TPCN1: variants seen among roughly 807,000 people sequenced by gnomAD.
The protein encoded by TPCN1 is two pore segment channel 1, also known as two pore channel protein 1.
TPCN1 carries 52 observed loss-of-function variants against 108.8 expected under a neutral mutation model. The observed-to-expected ratio is 0.48, with a 90% CI of 0.38 to 0.60. The LOEUF is 0.60. TPCN1 is among the 20% of genes least tolerant of loss of function. The pLI is 0.00. For synonymous variants in TPCN1, 446 were observed against 433.7 expected, an observed-to-expected ratio of 1.03 and a Z score of -0.35; for missense variants, 806 against 1,072.8, an observed-to-expected ratio of 0.75 and a Z score of 3.47.
intron 2 of TPCN1, among the ~76,000 whole-genome samples, chr12:113,233,868 C>A (rs963353365): frequency 1.3e-5 from 2 of 152,178 alleles, no homozygotes; most frequent in Admixed American, 1.3e-4. Flanking sequence ...GACACTTTGA[C>A]TTCCTTTGAA....
chr12:113,284,815 T>G lies in TPCN1; in HGVS notation c.1453+44T>G. 1.2e-6 allele frequency: 2 copies of G among 1,603,912 alleles called. No homozygotes were observed. Among genetic ancestry groups the G allele is most frequent in the South Asian group, 1.1e-5 (1 of 90,876 alleles). ...TTTGCTGGACTGCTTGTTTTAAAAT[T>G]GTCTGGGAGAACTTTCATTCAGTGT... On this transcript the variant is annotated intron_variant, in intron 17 of 27. Coordinates refer to ENST00000335509, the MANE Select transcript of TPCN1 (RefSeq NM_017901.6). This position sits in a 1 kb window ranked among gnomAD's most constrained non-coding sequence, Gnocchi z 4.1.
At chr12:113,248,477 C>A (rs1954490229) in intron 2 of TPCN1, among the ~76,000 whole-genome samples, 1 of 152,206 alleles carries the variant, frequency 6.6e-6, no homozygotes, top group African/African-American at 2.4e-5. Context: ...AGCCTCAGCG[C>A]TTTGAGGGGA....
intron 4 of TPCN1, 116 bp from the exon 5 acceptor site, chr12:113,267,727 C>T (rs867722192): frequency 8.8e-6 from 6 of 678,608 alleles, no homozygotes; most frequent in Middle Eastern, 2.6e-4. Context: ...TTTTGTAACT[C>T]TGATATGTGT....
chr12:113,269,635 C>A lies in TPCN1; in HGVS notation c.660-122C>A. On this transcript the variant is annotated intron_variant, in intron 6 of 27. Coordinates refer to ENST00000335509, the MANE Select transcript of TPCN1 (RefSeq NM_017901.6). This position sits in a 1 kb window ranked among gnomAD's most constrained non-coding sequence, Gnocchi z 5.0. Reference sequence around the variant, plus strand: ...GGAAAAAATGAAGCATGATGTCACACCAGAGTGCGTCAGGGTTTAGTATTT... The same window carrying A: ...GGAAAAAATGAAGCATGATGTCACAACAGAGTGCGTCAGGGTTTAGTATTT... 2 of 821,824 alleles carry A rather than the reference C, an allele frequency of 2.4e-6. No individual in the cohort carries two copies. Among genetic ancestry groups the A allele is most frequent in the East Asian group, 5.0e-5 (2 of 40,014 alleles). 50.9% of individuals were successfully genotyped at this position (821,824 alleles called of 1,614,324 possible). A position where few individuals can be genotyped will look rare whatever the true frequency, so the allele number is the denominator to read the frequency against.
At position 113,268,435 on chromosome 12, in the gene TPCN1, G is replaced by A. The variant is rs573156446; in HGVS notation, c.529-307G>A. The stretch of plus-strand genomic sequence containing the variant: ...GAGCTGAAGAGGAGCTGCAGGCCCC[G>A]GGATCCCTGATGTGAGTGGCGAGGG... On this transcript the variant is annotated intron_variant, in intron 5 of 27. Transcript: ENST00000335509. The surrounding 1 kb of genome is among the most constrained non-coding windows in gnomAD (Gnocchi z 7.3). Among the ~76,000 whole-genome samples, 41 of 152,336 alleles carry A rather than the reference G, an allele frequency of 2.7e-4. No individual in the cohort carries two copies. The highest frequency in any genetic ancestry group is 9.4e-4 in the African/African-American group (39 of 41,576).
At chr12:113,259,736 C>A (rs1026970304) in intron 2 of TPCN1, among the ~76,000 whole-genome samples, 38 of 152,178 alleles carry the variant, frequency 2.5e-4, no homozygotes, top group African/African-American at 9.2e-4. Flanking sequence ...AGATGAGGGG[C>A]TTATTGCCAG....
intron 2 of TPCN1, among the ~76,000 whole-genome samples, chr12:113,247,971 T>C (rs1319814818): frequency 1.3e-5 from 2 of 152,244 alleles, no homozygotes; most frequent in Admixed American, 6.5e-5. Context: ...TTCGCTGTTC[T>C]TTCACCTTAG....
In TPCN1 at chr12:113,267,422, T is replaced by G. The variant is rs574944062; in HGVS notation, c.415-421T>G. On this transcript the variant is annotated intron_variant, in intron 4 of 27. Transcript: ENST00000335509. ...TTCTTACTTTTTTTTTTTTTGAGAC[T>G]GAGTCTCCCTCTGTTGCCCAGGCTG... 3.3e-5 allele frequency among the ~76,000 whole-genome samples: 5 copies of G among 151,786 alleles called. No individual in the cohort carries two copies. In the East Asian group the frequency reaches 5.8e-4, roughly 18 times the overall value.
intron 3 of TPCN1, among the ~76,000 whole-genome samples, chr12:113,261,791 A>C (rs1566168426): frequency 1.3e-5 from 2 of 152,200 alleles, no homozygotes; most frequent in Non-Finnish European, 2.9e-5. Context: ...GATAATCTTG[A>C]ATATTTTCCC....
intron 14 of TPCN1, among the ~76,000 whole-genome samples, chr12:113,279,374 TATATATATATATATATA>T (rs1253488437): frequency 4.6e-3 from 133 of 28,822 alleles, no homozygotes; most frequent in Non-Finnish European, 7.3e-3. Context: ...TATATATATA[TATATATATATATATATA>T]TTTTTTTTTT....
rs971137417 is a variant in TPCN1 at position 113,289,588 on chromosome 12, G to A, written c.1797-540G>A. Among the ~76,000 whole-genome samples the A allele has an allele frequency of 6.6e-6, 1 of 152,130 alleles. No individual in the cohort carries two copies. Among genetic ancestry groups the A allele is most frequent in the Non-Finnish European group, 1.5e-5 (1 of 68,040 alleles). ...GCGTGTGGGAGGAGGCTCCCTGGTG[G>A]CCCAAGCACTAGACTTTTATAAACA... On this transcript the variant is annotated intron_variant, in intron 21 of 27. Transcript: ENST00000335509. The surrounding 1 kb of genome is among the most constrained non-coding windows in gnomAD (Gnocchi z 4.1).
At chr12:113,293,411 G>A (rs1289109908) in intron 27 of TPCN1, 62 bp downstream of exon 27, 37 of 1,515,162 alleles carry the variant, frequency 2.4e-5, no homozygotes, top group Non-Finnish European at 3.2e-5. Flanking sequence ...GAGGGGCAGG[G>A]AGCTGCTCTC....
At chr12:113,252,294 C>T (rs999429824) in intron 2 of TPCN1, among the ~76,000 whole-genome samples, 2 of 152,108 alleles carry the variant, frequency 1.3e-5, no homozygotes, top group Admixed American at 6.5e-5. Flanking sequence ...TGGCCTGCAC[C>T]GTGGGACGCG....
chr12:113,278,384 G>T, intron 13 of TPCN1, 147 bp downstream of exon 13: 1 of 717,792 alleles, frequency 1.4e-6, no homozygotes, highest in Non-Finnish European at 2.4e-6. Flanking sequence ...AGGGATCACA[G>T]GTGGCCCCAG....
rs1339984916 is a variant in TPCN1, at chr12:113,296,814, C to T, written c.*738C>T. The T allele has an allele frequency of 6.6e-6, 1 of 152,290 alleles. No homozygotes were observed. The allele number at this position is 152,290 out of a possible 1,614,324, so 9.4% of individuals were successfully genotyped here. A position where few individuals can be genotyped will look rare whatever the true frequency, so the allele number is the denominator to read the frequency against. On this transcript the variant is annotated 3_prime_UTR_variant, in exon 28 of 28. Coordinates refer to ENST00000335509, the MANE Select transcript of TPCN1 (RefSeq NM_017901.6). Reference sequence around the variant, plus strand: ...GTGGCCTCCTTGGGGACCCAGAACCCGGAGGAAGGGGCATGAGGCAGGAAG... The same window carrying T: ...GTGGCCTCCTTGGGGACCCAGAACCTGGAGGAAGGGGCATGAGGCAGGAAG...
intron 2 of TPCN1, among the ~76,000 whole-genome samples, chr12:113,237,697 A>G (rs1178630345): frequency 6.6e-6 from 1 of 152,216 alleles, no homozygotes; most frequent in African/African-American, 2.4e-5. Flanking sequence ...AAGCATCTGG[A>G]CAATGCTGAA....
intron 2 of TPCN1, among the ~76,000 whole-genome samples, chr12:113,257,171 A>G (rs1047749179): frequency 2.6e-5 from 4 of 152,208 alleles, no homozygotes; most frequent in African/African-American, 9.6e-5. Flanking sequence ...ATGAAAAACA[A>G]TGATATACCA....
At position 113,269,433 on chromosome 12, in the gene TPCN1, C is replaced by CCTGCTCATGGAAA. The variant is rs1465716539; in HGVS notation, c.660-320_660-308dup. The stretch of plus-strand genomic sequence containing the variant: ...TGAAATGTCTTCATGCCTTCCACAT[C>CCTGCTCATGGAAA]CTGCTCATGGAAACTGACCTTTGCA... On this transcript the variant is annotated intron_variant, in intron 6 of 27. Transcript: ENST00000335509. The surrounding 1 kb of genome is among the most constrained non-coding windows in gnomAD (Gnocchi z 5.0). Among the ~76,000 whole-genome samples, 1 of 152,206 alleles carries CCTGCTCATGGAAA rather than the reference C, an allele frequency of 6.6e-6. No homozygotes were observed. Among genetic ancestry groups the CCTGCTCATGGAAA allele is most frequent in the African/African-American group, 2.4e-5 (1 of 41,452 alleles).
intron 2 of TPCN1, among the ~76,000 whole-genome samples, chr12:113,236,109 G>A (rs971679017): frequency 3.3e-5 from 5 of 152,174 alleles, no homozygotes; most frequent in Non-Finnish European, 7.3e-5. Context: ...GCAGGGGAAT[G>A]ACCATTGTTT....
Sources: gnomAD v4.1 joint callset for allele counts (sites outside exome capture counted in the v4.1 genomes callset) on GRCh38, gnomAD v4.1.1 for gene constraint, Gnocchi (gnomAD v3.1) non-coding constraint, MANE v1.5 for transcripts, NCBI Gene and HGNC (gene_info 2026-07-23, HGNC 2026-07-21) for gene names.